Variants in CCSER1 observed in about 807,000 individuals in gnomAD.
CCSER1 encodes the protein serine-rich coiled-coil domain-containing protein 1.
A neutral mutation model predicts 82.0 loss-of-function variants in CCSER1; 41 were observed. The observed-to-expected ratio is 0.50, with a 90% CI of 0.39 to 0.65. The LOEUF is 0.65. Among genes scored for constraint, CCSER1 ranks in the 30% least tolerant of loss-of-function variants. CCSER1 has a pLI of 0.00. For missense variants in CCSER1, 1,119 were observed against 1,064.2 expected (o/e 1.05, Z -0.72); for synonymous variants, 414 against 383.9 (o/e 1.08, Z -0.92).
chr4:90,560,314 T>C (rs1778618711), intron 5 of CCSER1, among the ~76,000 whole-genome samples: 1 of 151,656 alleles, frequency 6.6e-6, no homozygotes, highest in South Asian at 2.1e-4. Flanking sequence ...ATTAAGGAAA[T>C]GTAGAACCAA....
chr4:90,267,798 A>C (rs190289116), intron 1 of CCSER1, among the ~76,000 whole-genome samples: 107 of 152,320 alleles, frequency 7.0e-4, no homozygotes, highest in Admixed American at 2.9e-3. Context: ...CCTAATGCAG[A>C]TATGGCTTCA....
intron 5 of CCSER1, among the ~76,000 whole-genome samples, chr4:90,537,818 A>G (rs1319548351): frequency 1.3e-5 from 2 of 152,088 alleles, no homozygotes; most frequent in African/African-American, 4.8e-5. Context: ...TGGGGAAAGG[A>G]TTGTTAACCC....
intron 3 of CCSER1, among the ~76,000 whole-genome samples, chr4:90,328,207 A>G (rs6815920): frequency 0.3 from 46,204 of 152,050 alleles, 7,181 homozygotes; most frequent in East Asian, 0.44. Context: ...TTAGATTTAT[A>G]GAAATATAAT....
intron 1 of CCSER1, among the ~76,000 whole-genome samples, chr4:90,198,750 C>T (rs190615542): frequency 1.9e-4 from 29 of 152,082 alleles, no homozygotes; most frequent in Admixed American, 3.9e-4. Flanking sequence ...CAAACCCATC[C>T]GTCCAAAAAG....
intron 3 of CCSER1, among the ~76,000 whole-genome samples, chr4:90,384,971 G>C (rs760723985): frequency 7.2e-5 from 11 of 152,108 alleles, no homozygotes; most frequent in Non-Finnish European, 1.0e-4. Context: ...ACTTATAAGT[G>C]AGAATATGCT....
chr4:90,835,524 C>T (rs922690678), intron 8 of CCSER1, among the ~76,000 whole-genome samples: 3 of 152,080 alleles, frequency 2.0e-5, no homozygotes, highest in African/African-American at 4.8e-5. Flanking sequence ...CTGCAAGGCT[C>T]TAATCTCAGT....
intron 1 of CCSER1, among the ~76,000 whole-genome samples, chr4:90,171,499 G>T (rs1731666273): frequency 1.3e-5 from 2 of 151,764 alleles, no homozygotes; most frequent in African/African-American, 4.8e-5. Context: ...GATTAATTTG[G>T]ATTGGTTTTT....
intron 6 of CCSER1, among the ~76,000 whole-genome samples, chr4:90,651,586 TAGG>T (rs1203792986): frequency 6.6e-6 from 1 of 151,900 alleles, no homozygotes; most frequent in Non-Finnish European, 1.5e-5. Context: ...ATAGCTAATG[TAGG>T]TGACAGGTCG....
At chr4:90,295,445 T>A (rs892043357) in intron 1 of CCSER1, among the ~76,000 whole-genome samples, 1 of 152,070 alleles carries the variant, frequency 6.6e-6, no homozygotes, top group Non-Finnish European at 1.5e-5. Flanking sequence ...TATTTCCTTT[T>A]CTATAAATTT....
chr4:90,240,222 C>T (rs1746584369), intron 1 of CCSER1, among the ~76,000 whole-genome samples: 1 of 152,114 alleles, frequency 6.6e-6, no homozygotes, highest in African/African-American at 2.4e-5. Context: ...TGAGCACCCT[C>T]CAGGGAAGAG....
chr4:90,817,217 A>C (rs1447347807), intron 8 of CCSER1, among the ~76,000 whole-genome samples: 1 of 152,086 alleles, frequency 6.6e-6, no homozygotes, highest in Non-Finnish European at 1.5e-5. Context: ...TCACCTATAG[A>C]TATTTATTGC....
intron 5 of CCSER1, among the ~76,000 whole-genome samples, chr4:90,623,050 C>T (rs1177489620): frequency 5.5e-4 from 65 of 117,444 alleles, no homozygotes; most frequent in African/African-American, 1.6e-3. Context: ...TTTTTTGAGA[C>T]GGAGCCTCCC....
At chr4:90,399,979 A>G in intron 3 of CCSER1, 57 bp from the exon 4 acceptor site, 1 of 945,232 alleles carries the variant, frequency 1.1e-6, no homozygotes. Flanking sequence ...ACATATGAGT[A>G]TTTCCTCATT....
rs1388676044 is a variant in CCSER1, at chr4:90,989,571, G to T, written c.2172+66124G>T. 1.7e-4 allele frequency among the ~76,000 whole-genome samples: 26 copies of T among 151,768 alleles called. 1 individual carries two copies. The highest frequency in any genetic ancestry group is 1.7e-3 in the Admixed American group (26 of 15,194). On this transcript the variant is annotated intron_variant, in intron 9 of 10. Transcript: ENST00000509176. Reference sequence around the variant, plus strand: ...GCCTGAAGGGATTTCTACTGTAAGGGTAAAGAAAAGACTGACATGCAGAAA... The same window carrying T: ...GCCTGAAGGGATTTCTACTGTAAGGTTAAAGAAAAGACTGACATGCAGAAA...
Position 90,368,189 on chromosome 4 carries a change from C to A in CCSER1, c.1510-31847C>A, listed in dbSNP as rs1246398799. ...AGTGTGATCTGAGAGTTTATAAATA[C>A]CTGGTTGTCATTCAAATAAAGACAA... On this transcript the variant is annotated intron_variant, in intron 3 of 10. Coordinates refer to ENST00000509176, the MANE Select transcript of CCSER1 (RefSeq NM_001145065.2). Among the ~76,000 whole-genome samples the A allele has an allele frequency of 2.0e-5, 3 of 151,798 alleles. No individual in the cohort carries two copies. The East Asian group carries it at 5.8e-4, about 29-fold the overall frequency.
chr4:90,945,641 C>G (rs1260636736), intron 9 of CCSER1, among the ~76,000 whole-genome samples: 1 of 152,150 alleles, frequency 6.6e-6, no homozygotes, highest in Non-Finnish European at 1.5e-5. Context: ...TATTTCTACC[C>G]TCAAGTCTCA....
At chr4:90,393,464 G>A (rs958825317) in intron 3 of CCSER1, among the ~76,000 whole-genome samples, 1 of 152,042 alleles carries the variant, frequency 6.6e-6, no homozygotes, top group Non-Finnish European at 1.5e-5. Context: ...GGCTGTAAAC[G>A]TCTTATTAAT....
intron 4 of CCSER1, among the ~76,000 whole-genome samples, chr4:90,465,179 G>T (rs1763458646): frequency 6.6e-6 from 1 of 152,042 alleles, no homozygotes; most frequent in South Asian, 2.1e-4. Context: ...GACCAGAATG[G>T]TCTCAATCTC....
At chr4:91,109,064 C>A (rs1442320325) in intron 10 of CCSER1, among the ~76,000 whole-genome samples, 2 of 152,164 alleles carry the variant, frequency 1.3e-5, no homozygotes, top group Non-Finnish European at 2.9e-5. Context: ...ACTCCAGATT[C>A]TCTGGCCCTT....
Sources: allele counts gnomAD v4.1 joint callset (sites outside exome capture counted in the v4.1 genomes callset), GRCh38; gene constraint gnomAD v4.1.1; transcripts MANE v1.5; gene names NCBI Gene and HGNC (gene_info 2026-07-23, HGNC 2026-07-21).